TACC1: variants seen among roughly 807,000 people sequenced by gnomAD.
TACC1 encodes the protein transforming acidic coiled-coil-containing protein 1.
Under a neutral mutation model 84.4 loss-of-function variants are expected in TACC1, and 48 were observed. The ratio of observed to expected loss-of-function variants is 0.57; its 90% CI spans 0.45 to 0.72. TACC1 has a LOEUF of 0.72. TACC1 is among the 30% of genes least tolerant of loss of function. The pLI is 0.00. For missense variants in TACC1, 920 were observed against 973.0 expected (o/e 0.95, Z 0.72); for synonymous variants, 372 against 376.3 (o/e 0.99, Z 0.13).
Position 38,787,728 on chromosome 8 carries a change from A to C in TACC1, c.146A>C (p.Lys49Thr), listed in dbSNP as rs374245220. Reference protein sequence around the residue: ...PEEEDSQAETKSLSFSSDSEG... With the variant: ...PEEEDSQAETTSLSFSSDSEG... ...GAGGAGGATTCGCAAGCCGAGACCAAATCCTTGAGTTTCAGGCAAGTACAC... is the reference window on the plus strand; with the variant it reads ...GAGGAGGATTCGCAAGCCGAGACCACATCCTTGAGTTTCAGGCAAGTACAC... Residue 49 changes from lysine to threonine, a missense_variant, in exon 1 of 13, where the codon AAA (lysine) becomes ACA (threonine). Coordinates refer to ENST00000317827, the MANE Select transcript of TACC1 (RefSeq NM_006283.3). 100 of 1,545,648 alleles carry C rather than the reference A, an allele frequency of 6.5e-5. No individual in the cohort carries two copies. Among genetic ancestry groups the C allele is most frequent in the Non-Finnish European group, 8.5e-5 (98 of 1,154,426 alleles).
Position 38,852,167 on chromosome 8 carries a change from T to C in TACC1, c.*4144T>C, listed in dbSNP as rs548444719. The C allele has an allele frequency of 6.8e-6, 2 of 292,016 alleles. No homozygotes were observed. The highest frequency in any genetic ancestry group is 6.1e-5 in the South Asian group (2 of 32,788). The allele number at this position is 292,016 out of a possible 1,614,324, so 18.1% of individuals were successfully genotyped here. ...TTTGTAGTTTTTTGTCCAAATGCAA[T>C]CCCATTTCTGTGCCTCTTAGCATGC... is the stretch of plus-strand genomic sequence containing the variant. On this transcript the variant is annotated 3_prime_UTR_variant, in exon 13 of 13. Transcript: ENST00000317827.
At chr8:38,811,886 A>G (rs1824248844) in intron 2 of TACC1, among the ~76,000 whole-genome samples, 1 of 152,180 alleles carries the variant, frequency 6.6e-6, no homozygotes, top group South Asian at 2.1e-4. Flanking sequence ...CTATAAACGG[A>G]CATGCAAGTA....
chr8:38,756,965 T>C (rs1016488675), intron 3 of TACC1, among the ~76,000 whole-genome samples: 5 of 152,028 alleles, frequency 3.3e-5, no homozygotes, highest in African/African-American at 1.2e-4. Flanking sequence ...CGTCCGCGGA[T>C]CGCGGAGTCC....
At chr8:38,781,027 A>C (rs1219347655) in intron 3 of TACC1, among the ~76,000 whole-genome samples, 1 of 152,146 alleles carries the variant, frequency 6.6e-6, no homozygotes, top group Non-Finnish European at 1.5e-5. Flanking sequence ...TTGGTGTCAC[A>C]GTTATTTTTG....
At chr8:38,807,809 CT>C (rs1201768205) in intron 2 of TACC1, among the ~76,000 whole-genome samples, 1 of 152,188 alleles carries the variant, frequency 6.6e-6, no homozygotes. Context: ...GAATATTAAG[CT>C]GTTTCCCTCA....
chr8:38,731,459 A>G (rs758217509), intron 1 of TACC1, among the ~76,000 whole-genome samples: 6 of 152,230 alleles, frequency 3.9e-5, no homozygotes, highest in Non-Finnish European at 7.3e-5. Flanking sequence ...CACATGAAGC[A>G]TTTAGAATTG....
intron 1 of TACC1, among the ~76,000 whole-genome samples, chr8:38,737,903 T>G (rs1169294122): frequency 6.6e-6 from 1 of 151,946 alleles, no homozygotes; most frequent in Non-Finnish European, 1.5e-5. Flanking sequence ...AATTTTGTAT[T>G]TTTAGTAGAG....
rs185307063 is a variant in TACC1, at chr8:38,844,421, G to A, written c.2228+1026G>A. ...ACTCCTGACCTCAGGTGATCCGCCC[G>A]CCTCAGCTTCCCAAAGTGCTGGGAT... On this transcript the variant is annotated intron_variant, in intron 11 of 12. Transcript: ENST00000317827. Among the ~76,000 whole-genome samples the A allele has an allele frequency of 2.2e-3, 328 of 152,184 alleles. 1 individual carries two copies. Among genetic ancestry groups the A allele is most frequent in the African/African-American group, 7.6e-3 (315 of 41,528 alleles).
At chr8:38,759,808 A>C (rs6474499) in intron 3 of TACC1, among the ~76,000 whole-genome samples, 106,648 of 152,086 alleles carry the variant, frequency 0.7, 37,463 homozygotes, top group East Asian at 0.82. Flanking sequence ...AAGATTCCAA[A>C]CTGTAATATA....
chr8:38,787,381 G>A lies in TACC1; in HGVS notation c.-202G>A, dbSNP rs914459288. 7.4e-7 allele frequency: 1 copy of A among 1,350,376 alleles called. No homozygotes were observed. Among genetic ancestry groups the A allele is most frequent in the Non-Finnish European group, 9.4e-7 (1 of 1,058,282 alleles). 83.6% of individuals were successfully genotyped at this position (1,350,376 alleles called of 1,614,324 possible). A position where few individuals can be genotyped will look rare whatever the true frequency, so the allele number is the denominator to read the frequency against. On this transcript the variant is annotated 5_prime_UTR_variant, in exon 1 of 13. Transcript: ENST00000317827. ...CTGCGGCCGCACCGTGAGGGGAGGA[G>A]GCCGAGGAGGACGCAGCGCCGGCTG...
At chr8:38,837,545 C>T (rs1278921973) in intron 7 of TACC1, among the ~76,000 whole-genome samples, 1 of 152,212 alleles carries the variant, frequency 6.6e-6, no homozygotes, top group East Asian at 1.9e-4. Context: ...CTTGCCTCAG[C>T]TGCCTGAGTA....
intron 3 of TACC1, among the ~76,000 whole-genome samples, chr8:38,775,280 A>G (rs1235947457): frequency 6.6e-6 from 1 of 152,228 alleles, no homozygotes; most frequent in Non-Finnish European, 1.5e-5. Flanking sequence ...TCCAAAAAGA[A>G]TGATATTCGA....
At chr8:38,780,119 A>G (rs1231115925) in intron 3 of TACC1, among the ~76,000 whole-genome samples, 1 of 152,186 alleles carries the variant, frequency 6.6e-6, no homozygotes, top group Admixed American at 6.5e-5. Flanking sequence ...GATTTCATTA[A>G]TTACTTGTAA....
chr8:38,768,854 G>C (rs992276702), intron 3 of TACC1, among the ~76,000 whole-genome samples: 1 of 151,478 alleles, frequency 6.6e-6, no homozygotes, highest in Non-Finnish European at 1.5e-5. Flanking sequence ...GTGGGGGTGT[G>C]TGGTGTGTGT....
intron 12 of TACC1, 126 bp from the exon 13 acceptor site, chr8:38,847,829 A>C: frequency 5.7e-6 from 4 of 696,064 alleles, no homozygotes; most frequent in Non-Finnish European, 7.1e-6. Flanking sequence ...CTGATGTAGA[A>C]AAGTTAAAAA....
intron 2 of TACC1, among the ~76,000 whole-genome samples, chr8:38,803,308 TAGA>T (rs1159219172): frequency 6.6e-6 from 1 of 152,232 alleles, no homozygotes; most frequent in Non-Finnish European, 1.5e-5. Flanking sequence ...CAGTGTTGAG[TAGA>T]AGTCGCAAGA....
intron 2 of TACC1, among the ~76,000 whole-genome samples, chr8:38,743,220 C>G (rs934453989): frequency 2.0e-5 from 3 of 152,128 alleles, no homozygotes; most frequent in Non-Finnish European, 2.9e-5. Context: ...AAACTCTTAC[C>G]TCATCCATCA....
At chr8:38,789,155 A>T (rs1161058851) in intron 2 of TACC1, among the ~76,000 whole-genome samples, 1 of 152,192 alleles carries the variant, frequency 6.6e-6, no homozygotes, top group East Asian at 1.9e-4. Context: ...GTTGCTTTCT[A>T]CTGGGGTGTG....
chr8:38,736,420 GC>G (rs35107730), intron 1 of TACC1, among the ~76,000 whole-genome samples: 2 of 152,092 alleles, frequency 1.3e-5, no homozygotes, highest in African/African-American at 4.8e-5. Flanking sequence ...TTCAAGATTA[GC>G]CTGGGCAACA....
Sources: gnomAD v4.1 joint callset for allele counts (sites outside exome capture counted in the v4.1 genomes callset) on GRCh38, gnomAD v4.1.1 for gene constraint, MANE v1.5 for transcripts, NCBI Gene and HGNC (gene_info 2026-07-23, HGNC 2026-07-21) for gene names.